PCDHGB1: variants seen among roughly 807,000 people sequenced by gnomAD.
PCDHGB1 encodes protocadherin gamma subfamily B, 1.
A neutral mutation model predicts 56.6 loss-of-function variants in PCDHGB1; 34 were observed. That is an observed-to-expected ratio of 0.60 (90% CI 0.46 to 0.80). PCDHGB1 has a LOEUF of 0.80. PCDHGB1 is among the 30% of genes least tolerant of loss of function. The probability of loss-of-function intolerance (pLI) is 0.00; values close to 1 mark genes in which losing one functional copy is unlikely to be tolerated. For synonymous variants in PCDHGB1, 561 were observed against 505.9 expected (o/e 1.11, Z -1.46); for missense variants, 1,278 against 1,204.6 (o/e 1.06, Z -0.90).
chr5:141,490,652 C>A lies in PCDHGB1; in HGVS notation c.2410-4155C>A. ...ATCCTAGAAAACCGGCCTCCGGGCT[C>A]CCTTCTTTGCACTGTGGCTGCCTCA... On this transcript the variant is annotated intron_variant, in intron 1 of 3. Transcript: ENST00000523390. The surrounding 1 kb of genome is among the most constrained non-coding windows in gnomAD (Gnocchi z 5.4). 6.2e-7 allele frequency: 1 copy of A among 1,614,208 alleles called. No individual in the cohort carries two copies. Among genetic ancestry groups the A allele is most frequent in the Non-Finnish European group, 8.5e-7 (1 of 1,180,026 alleles).
intron 1 of PCDHGB1, chr5:141,384,443 A>T: frequency 6.2e-7 from 1 of 1,614,030 alleles, no homozygotes; most frequent in Non-Finnish European, 8.5e-7. Context: ...GGAGTCCTGT[A>T]CGCGCTGCAA....
chr5:141,410,185 T>A lies in PCDHGB1; in HGVS notation c.2409+57516T>A, dbSNP rs373680185. 10 of 1,613,812 alleles carry A rather than the reference T, an allele frequency of 6.2e-6. No individual in the cohort carries two copies. The African/African-American group carries it at 1.3e-4, about 22-fold the overall frequency. On this transcript the variant is annotated intron_variant, in intron 1 of 3. Transcript: ENST00000523390. ...CACTCTCTGCCACCGCCACGCTTCA[T>A]CTGGTCTTCGCAGACAACTTGCAAG...
At chr5:141,355,864 C>G (rs749145164) in intron 1 of PCDHGB1, 3 of 1,612,452 alleles carry the variant, frequency 1.9e-6, no homozygotes, top group Non-Finnish European at 2.5e-6. Flanking sequence ...TGACCCGGTT[C>G]GCTCTGGCAC....
intron 1 of PCDHGB1, among the ~76,000 whole-genome samples, chr5:141,474,029 C>T (rs1047673843): frequency 6.6e-6 from 1 of 152,092 alleles, no homozygotes; most frequent in Non-Finnish European, 1.5e-5. Context: ...ATGATTATTC[C>T]ACTGTACTCC....
chr5:141,487,643 C>T lies in PCDHGB1; in HGVS notation c.2410-7164C>T. 1.2e-6 allele frequency: 2 copies of T among 1,614,104 alleles called. No homozygotes were observed. The highest frequency in any genetic ancestry group is 1.7e-6 in the Non-Finnish European group (2 of 1,179,986). Reference sequence around the variant, plus strand: ...GAGACCTTTGCAGGCTCAACAAATGCTTGAGGGTTATTCTGATCCAGGCAT... The same window carrying T: ...GAGACCTTTGCAGGCTCAACAAATGTTTGAGGGTTATTCTGATCCAGGCAT... On this transcript the variant is annotated intron_variant, in intron 1 of 3. Transcript: ENST00000523390. The surrounding 1 kb of genome is among the most constrained non-coding windows in gnomAD (Gnocchi z 5.0).
intron 1 of PCDHGB1, among the ~76,000 whole-genome samples, chr5:141,482,458 C>G (rs986628162): frequency 1.4e-5 from 2 of 147,624 alleles, no homozygotes; most frequent in African/African-American, 2.6e-5. Flanking sequence ...ATTAGCATCC[C>G]TATGTGCCAG....
intron 1 of PCDHGB1, chr5:141,366,436 C>G: frequency 1.9e-6 from 3 of 1,614,194 alleles, no homozygotes; most frequent in Non-Finnish European, 2.5e-6. Flanking sequence ...CAGTCTCCTG[C>G]GTCTTCCTGG....
chr5:141,423,169 C>T (rs747206648), intron 1 of PCDHGB1: 4 of 1,613,460 alleles, frequency 2.5e-6, no homozygotes, highest in Admixed American at 3.3e-5. Flanking sequence ...GGTGGCCGTC[C>T]AGGACCACGG....
rs1452697214 is a variant in PCDHGB1 at position 141,476,552 on chromosome 5, G to T, written c.2410-18255G>T. ...CCAGGAAATGAAATTGGAGATTAGC[G>T]AGGCCGTGGCTCCGGGGACGCGCTT... On this transcript the variant is annotated intron_variant, in intron 1 of 3. Transcript: ENST00000523390. The surrounding 1 kb of genome is among the most constrained non-coding windows in gnomAD (Gnocchi z 7.6). 6.2e-7 allele frequency: 1 copy of T among 1,614,210 alleles called. No individual in the cohort carries two copies. The highest frequency in any genetic ancestry group is 2.2e-5 in the East Asian group (1 of 44,872).
chr5:141,368,472 A>G (rs1765672364), intron 1 of PCDHGB1, among the ~76,000 whole-genome samples: 1 of 152,196 alleles, frequency 6.6e-6, no homozygotes, highest in South Asian at 2.1e-4. Flanking sequence ...ATGCATCCAA[A>G]GAGTAACAAG....
chr5:141,419,148 C>G, intron 1 of PCDHGB1: 1 of 1,613,940 alleles, frequency 6.2e-7, no homozygotes. Flanking sequence ...AGGGGCAAGC[C>G]TCCGTTATCC....
At chr5:141,430,751 A>G in intron 1 of PCDHGB1, 1 of 1,496,066 alleles carries the variant, frequency 6.7e-7, no homozygotes, top group Non-Finnish European at 8.9e-7. Context: ...ATTCTGGAGG[A>G]AGATAAGAAT....
chr5:141,427,937 C>T, intron 1 of PCDHGB1: 1 of 1,584,566 alleles, frequency 6.3e-7, no homozygotes, highest in African/African-American at 1.3e-5. Flanking sequence ...TGTTGGTGGG[C>T]GACCTCAATG....
chr5:141,364,618 C>A (rs373148081), intron 1 of PCDHGB1: 2 of 1,614,140 alleles, frequency 1.2e-6, no homozygotes, highest in South Asian at 1.1e-5. Flanking sequence ...AGGAGCTCTG[C>A]GCTCAGAGCC....
intron 1 of PCDHGB1, among the ~76,000 whole-genome samples, chr5:141,445,567 T>C (rs1465765772): frequency 6.6e-6 from 1 of 152,142 alleles, no homozygotes; most frequent in Admixed American, 6.5e-5. Context: ...AGAGAAAGCT[T>C]ATAGTAGGGA....
chr5:141,461,040 G>A (rs536064886), intron 1 of PCDHGB1, among the ~76,000 whole-genome samples: 123 of 150,514 alleles, frequency 8.2e-4, no homozygotes, highest in East Asian at 2.5e-3. Flanking sequence ...CTCATTAGTC[G>A]ATGGGGACTT....
chr5:141,362,652 A>G, intron 1 of PCDHGB1: 1 of 1,421,164 alleles, frequency 7.0e-7, no homozygotes. Flanking sequence ...TGTGAGTTAG[A>G]TTTGGCCAAT....
chr5:141,492,503 A>G (rs1341352458), intron 1 of PCDHGB1, among the ~76,000 whole-genome samples: 1 of 151,188 alleles, frequency 6.6e-6, no homozygotes, highest in Non-Finnish European at 1.5e-5. Context: ...AGGACTCCGG[A>G]GCCTCCTCTC....
chr5:141,396,525 C>T (rs2093390810), intron 1 of PCDHGB1: 1 of 151,326 alleles, frequency 6.6e-6, no homozygotes, highest in Non-Finnish European at 1.5e-5. Context: ...GAGGCTGAGG[C>T]AGAAGAATCA....
Sources: allele counts gnomAD v4.1 joint callset (sites outside exome capture counted in the v4.1 genomes callset), GRCh38; gene constraint gnomAD v4.1.1; non-coding constraint Gnocchi (gnomAD v3.1); transcripts MANE v1.5; gene names NCBI Gene and HGNC (gene_info 2026-07-23, HGNC 2026-07-21).